The following SACM1L variants were observed in gnomAD, a reference collection of about 807,000 sequenced individuals.
SACM1L encodes the protein SAC1 like phosphatidylinositide phosphatase, also known as phosphatidylinositol-3-phosphatase SAC1.
In SACM1L, 32 loss-of-function variants were observed where a neutral mutation model predicts 89.5. The observed-to-expected ratio is 0.36, with a 90% confidence interval of 0.27 to 0.48. The LOEUF (loss-of-function observed/expected upper bound fraction) is 0.48, where lower values mean the gene tolerates loss of function less well. Among genes scored for constraint, SACM1L ranks in the 20% least tolerant of loss-of-function variants. The pLI is 0.99. For synonymous variants in SACM1L, 213 were observed against 232.8 expected (o/e 0.92, Z 0.77); for missense variants, 543 against 708.5 (o/e 0.77, Z 2.65).
intron 11 of SACM1L, among the ~76,000 whole-genome samples, chr3:45,727,891 A>G (rs1204028927): frequency 2.0e-5 from 3 of 152,132 alleles, no homozygotes; most frequent in Non-Finnish European, 2.9e-5. Flanking sequence ...CACTGCGCCC[A>G]GCCTCTACTA....
intron 10 of SACM1L, 84 bp downstream of exon 10, chr3:45,723,039 C>G: frequency 8.7e-7 from 1 of 1,154,138 alleles, no homozygotes; most frequent in Non-Finnish European, 1.3e-6. Flanking sequence ...TGTATTTATT[C>G]CGCATAAATC....
intron 5 of SACM1L, 101 bp from the exon 6 acceptor site, chr3:45,713,036 G>A (rs1363720855): frequency 1.5e-5 from 14 of 903,644 alleles, no homozygotes; most frequent in Non-Finnish European, 2.2e-5. Flanking sequence ...AAAGAAACTG[G>A]CTTCTAGCCA....
At chr3:45,714,616 A>G (rs2125692932) in intron 7 of SACM1L, among the ~76,000 whole-genome samples, 1 of 152,318 alleles carries the variant, frequency 6.6e-6, no homozygotes, top group African/African-American at 2.4e-5. Flanking sequence ...TAGTGTGGGT[A>G]ACAAGTTGGA....
intron 1 of SACM1L, among the ~76,000 whole-genome samples, chr3:45,699,019 C>T (rs1217490637): frequency 2.0e-5 from 3 of 152,154 alleles, no homozygotes; most frequent in African/African-American, 4.8e-5. Flanking sequence ...GTGATCCACC[C>T]GCCTCGGCCT....
chr3:45,744,088 T>A lies in SACM1L; in HGVS notation c.*419T>A, dbSNP rs563961148. The A allele has an allele frequency of 6.5e-6, 1 of 154,600 alleles. No individual in the cohort carries two copies. The highest frequency in any genetic ancestry group is 2.4e-5 in the African/African-American group (1 of 41,608). 9.6% of individuals were successfully genotyped at this position (154,600 alleles called of 1,614,324 possible). On this transcript the variant is annotated 3_prime_UTR_variant, in exon 20 of 20. Coordinates refer to ENST00000389061, the MANE Select transcript of SACM1L (RefSeq NM_014016.5). Reference sequence around the variant, plus strand: ...TTGTCATTGTAGAAGCGGTCACTATTAGCAGGCATACTTTTCCACACATCT... The same window carrying A: ...TTGTCATTGTAGAAGCGGTCACTATAAGCAGGCATACTTTTCCACACATCT...
chr3:45,691,990 T>C (rs1575379561), intron 1 of SACM1L, among the ~76,000 whole-genome samples: 2 of 152,356 alleles, frequency 1.3e-5, no homozygotes, highest in South Asian at 4.1e-4. Flanking sequence ...ATCTGTCGCC[T>C]AATTTATTTC....
Position 45,689,811 on chromosome 3 carries a change from C to G in SACM1L, c.32+314C>G. 7.4e-6 allele frequency: 4 copies of G among 540,714 alleles called. No individual in the cohort carries two copies. In the South Asian group the frequency reaches 9.6e-5, roughly 13 times the overall value. 33.5% of individuals were successfully genotyped at this position (540,714 alleles called of 1,614,324 possible). On this transcript the variant is annotated intron_variant, in intron 1 of 19. Coordinates refer to ENST00000389061, the MANE Select transcript of SACM1L (RefSeq NM_014016.5). ...CGGCCCTTCAGGGCACGCTTGTCCC[C>G]ACTTTCTATGCAGAGCTACCGACTA...
intron 18 of SACM1L, 102 bp from the exon 19 acceptor site, chr3:45,739,485 C>A: frequency 1.0e-6 from 1 of 985,984 alleles, no homozygotes; most frequent in Non-Finnish European, 1.6e-6. Context: ...TATTAGCTGA[C>A]AGATGAGTTT....
intron 11 of SACM1L, among the ~76,000 whole-genome samples, chr3:45,730,242 G>A (rs1250822027): frequency 6.7e-6 from 1 of 150,078 alleles, no homozygotes; most frequent in Non-Finnish European, 1.5e-5. Context: ...TTAATTATAT[G>A]TTTGATTATT....
At chr3:45,693,331 C>T (rs573685208) in intron 1 of SACM1L, among the ~76,000 whole-genome samples, 37 of 152,184 alleles carry the variant, frequency 2.4e-4, no homozygotes, top group Non-Finnish European at 4.3e-4. Context: ...TAACATAGAG[C>T]CTTGTGCAGA....
intron 8 of SACM1L, among the ~76,000 whole-genome samples, chr3:45,720,107 C>G (rs1698753997): frequency 1.3e-5 from 2 of 151,982 alleles, no homozygotes; most frequent in Non-Finnish European, 2.9e-5. Flanking sequence ...TTTCTCCAAC[C>G]TTTGTATTTT....
chr3:45,689,451 A>T lies in SACM1L; in HGVS notation c.-15A>T. On this transcript the variant is annotated 5_prime_UTR_variant, in exon 1 of 20. Transcript: ENST00000389061. ...GGGGCGGGCGGAGAGAGAAGGAAGGAGGTGGTTGTGCAGGATGGCGACGGC... is the reference window on the plus strand; with the variant it reads ...GGGGCGGGCGGAGAGAGAAGGAAGGTGGTGGTTGTGCAGGATGGCGACGGC... The T allele has an allele frequency of 6.4e-7, 1 of 1,563,422 alleles. No homozygotes were observed. Among genetic ancestry groups the T allele is most frequent in the Non-Finnish European group, 8.7e-7 (1 of 1,154,924 alleles).
chr3:45,732,151 G>A lies in SACM1L; in HGVS notation c.1100G>A (p.Ser367Asn). The A allele has an allele frequency of 6.4e-7, 1 of 1,573,518 alleles. No homozygotes were observed. The highest frequency in any genetic ancestry group is 8.7e-7 in the Non-Finnish European group (1 of 1,151,106). The change falls in exon 13 of 20, where the codon AGT becomes AAT. Residue 367 changes from serine to asparagine, a missense_variant and splice_region_variant. Transcript: ENST00000389061. ...GTAGCAGAAATGCAAGATGAATTAAGGTAAGCTATATTATTTCCTTAAGGA... is the reference window on the plus strand; with the variant it reads ...GTAGCAGAAATGCAAGATGAATTAAAGTAAGCTATATTATTTCCTTAAGGA... ...DQVAEMQDEL[S>N]YFLVDSAGQV...
chr3:45,722,830 T>C (rs1434260585), intron 9 of SACM1L, 39 bp from the exon 10 acceptor site: 7 of 1,450,680 alleles, frequency 4.8e-6, no homozygotes, highest in Admixed American at 1.7e-5. Context: ...AAAACAAGTA[T>C]GTTTGTGTTT....
chr3:45,732,685 T>C (rs1699102158), intron 13 of SACM1L, among the ~76,000 whole-genome samples: 2 of 152,226 alleles, frequency 1.3e-5, no homozygotes, highest in Admixed American at 6.5e-5. Context: ...TTTAAAAAAA[T>C]TCTTCAGAGT....
At chr3:45,723,569 GA>G (rs34076210) in intron 11 of SACM1L, 26 bp downstream of exon 11, 376 of 1,243,028 alleles carry the variant, frequency 3.0e-4, no homozygotes, top group South Asian at 8.8e-4. Context: ...TTCTTGGGGG[GA>G]AAAAAAAGCC....
At chr3:45,700,513 A>C (rs1698240767) in intron 1 of SACM1L, among the ~76,000 whole-genome samples, 1 of 152,198 alleles carries the variant, frequency 6.6e-6, no homozygotes, top group South Asian at 2.1e-4. Context: ...AGACGGTGGA[A>C]GGGTAAAAAA....
intron 1 of SACM1L, among the ~76,000 whole-genome samples, chr3:45,694,229 A>G (rs1698069489): frequency 6.6e-6 from 1 of 152,034 alleles, no homozygotes; most frequent in African/African-American, 2.4e-5. Flanking sequence ...AAGGCAGGGA[A>G]TCCTTTAGTT....
intron 7 of SACM1L, among the ~76,000 whole-genome samples, chr3:45,714,741 G>C (rs1181254831): frequency 6.6e-6 from 1 of 152,194 alleles, no homozygotes; most frequent in Admixed American, 6.5e-5. Flanking sequence ...TACAAAATGA[G>C]TAATGATTAT....
Sources: allele counts gnomAD v4.1 joint callset (sites outside exome capture counted in the v4.1 genomes callset), GRCh38; gene constraint gnomAD v4.1.1; transcripts MANE v1.5; gene names NCBI Gene and HGNC (gene_info 2026-07-23, HGNC 2026-07-21).